Variants in MACROD2 observed in about 807,000 individuals in gnomAD.
MACROD2 encodes mono-ADP ribosylhydrolase 2, also known as ADP-ribose glycohydrolase MACROD2.
A neutral mutation model predicts 70.4 loss-of-function variants in MACROD2; 36 were observed. The observed-to-expected ratio is 0.51, with a 90% CI of 0.39 to 0.68. The LOEUF (loss-of-function observed/expected upper bound fraction) is 0.68. Among genes scored for constraint, MACROD2 ranks in the 30% least tolerant of loss-of-function variants. MACROD2 has a pLI of 0.00. For missense variants in MACROD2, 496 were observed against 538.4 expected, an observed-to-expected ratio of 0.92 and a Z score of 0.78; for synonymous variants, 172 against 178.8, an observed-to-expected ratio of 0.96 and a Z score of 0.30.
rs572230477 is a variant in MACROD2, at chr20:14,858,948, T to G, written c.418+173989T>G. ...CATGAAGTACTAATTTAAAGAAATA[T>G]TCAGGTAAAGCCTATGAGATTAAGT... is the stretch of plus-strand genomic sequence containing the variant. On this transcript the variant is annotated intron_variant, in intron 5 of 17. Transcript: ENST00000684519. Among the ~76,000 whole-genome samples the G allele has an allele frequency of 8.5e-5, 13 of 152,232 alleles. No homozygotes were observed. In the South Asian group the frequency reaches 2.5e-3, roughly 29 times the overall value.
intron 5 of MACROD2, among the ~76,000 whole-genome samples, chr20:14,861,991 A>ATTT (rs375462249): frequency 1.6e-5 from 1 of 61,646 alleles, no homozygotes; most frequent in Non-Finnish European, 2.8e-5. Flanking sequence ...ATATATATAT[A>ATTT]TTTATATATA....
At chr20:14,176,083 A>G (rs1461040591) in intron 3 of MACROD2, among the ~76,000 whole-genome samples, 3 of 152,210 alleles carry the variant, frequency 2.0e-5, no homozygotes, top group Non-Finnish European at 2.9e-5. Flanking sequence ...TTGTAAGTTT[A>G]CATTGATCTT....
At chr20:14,820,251 C>T (rs6135268) in intron 5 of MACROD2, among the ~76,000 whole-genome samples, 10,510 of 151,840 alleles carry the variant, frequency 0.069, 517 homozygotes, top group East Asian at 0.22. Flanking sequence ...TATCTGCCGG[C>T]CAAAGATCTG....
At chr20:14,292,026 C>A (rs1038249401) in intron 3 of MACROD2, among the ~76,000 whole-genome samples, 1 of 151,882 alleles carries the variant, frequency 6.6e-6, no homozygotes, top group African/African-American at 2.4e-5. Flanking sequence ...TCATCTGATT[C>A]CAATGGGAGC....
intron 8 of MACROD2, among the ~76,000 whole-genome samples, chr20:15,607,955 T>C (rs460953): frequency 0.052 from 7,975 of 152,296 alleles, 408 homozygotes; most frequent in African/African-American, 0.14. Context: ...AAGTGTCATC[T>C]GAGTTGGGAA....
At chr20:14,341,355 T>G (rs552984867) in intron 3 of MACROD2, among the ~76,000 whole-genome samples, 2 of 152,330 alleles carry the variant, frequency 1.3e-5, no homozygotes, top group African/African-American at 4.8e-5. Flanking sequence ...GAAAACAGTT[T>G]GGATGGGCGC....
At chr20:14,808,499 A>G (rs1243118888) in intron 5 of MACROD2, among the ~76,000 whole-genome samples, 2 of 152,214 alleles carry the variant, frequency 1.3e-5, no homozygotes, top group East Asian at 1.9e-4. Flanking sequence ...TGTAAAGACT[A>G]TTGACACTAT....
chr20:15,811,377 A>G, intron 8 of MACROD2, among the ~76,000 whole-genome samples: 1 of 152,034 alleles, frequency 6.6e-6, no homozygotes. Context: ...GCAAATCAAA[A>G]CCACAATGAG....
At chr20:15,477,909 G>C (rs1434734849) in intron 7 of MACROD2, among the ~76,000 whole-genome samples, 1 of 152,082 alleles carries the variant, frequency 6.6e-6, no homozygotes, top group Non-Finnish European at 1.5e-5. Context: ...GGGAGGGAAG[G>C]AGATGTGATA....
chr20:14,575,791 T>C (rs948232135), intron 4 of MACROD2, among the ~76,000 whole-genome samples: 2 of 152,172 alleles, frequency 1.3e-5, no homozygotes, highest in African/African-American at 2.4e-5. Flanking sequence ...AATGTAATTT[T>C]AAAAAGAAAA....
chr20:14,454,890 C>A (rs2084283900), intron 3 of MACROD2, among the ~76,000 whole-genome samples: 1 of 151,722 alleles, frequency 6.6e-6, no homozygotes, highest in Non-Finnish European at 1.5e-5. Context: ...GTAGCTGGGA[C>A]TACAGGTGCC....
At chr20:14,422,288 A>G (rs2083883824) in intron 3 of MACROD2, among the ~76,000 whole-genome samples, 1 of 152,104 alleles carries the variant, frequency 6.6e-6, no homozygotes, top group South Asian at 2.1e-4. Flanking sequence ...CCATCTTTCA[A>G]TGTATTTGTG....
intron 2 of MACROD2, among the ~76,000 whole-genome samples, chr20:14,077,975 T>C (rs912367030): frequency 6.6e-6 from 1 of 151,268 alleles, no homozygotes; most frequent in Non-Finnish European, 1.5e-5. Flanking sequence ...CGATCTCGGC[T>C]CACTGCAACC....
chr20:14,527,102 C>T (rs1377568666), intron 4 of MACROD2, among the ~76,000 whole-genome samples: 1 of 152,208 alleles, frequency 6.6e-6, no homozygotes, highest in Non-Finnish European at 1.5e-5. Context: ...ACTGGGCTCT[C>T]CTCCAACTGC....
intron 6 of MACROD2, among the ~76,000 whole-genome samples, chr20:15,241,945 A>AT (rs1025813984): frequency 1.3e-5 from 2 of 151,818 alleles, no homozygotes; most frequent in Non-Finnish European, 2.9e-5. Context: ...TTCAGGCTTT[A>AT]TTTTTTTTCC....
At chr20:15,078,333 C>G (rs1032306711) in intron 5 of MACROD2, among the ~76,000 whole-genome samples, 2 of 152,148 alleles carry the variant, frequency 1.3e-5, no homozygotes, top group African/African-American at 4.8e-5. Flanking sequence ...AGTACCCCTT[C>G]TCCTAAGAAC....
chr20:15,999,340 A>T (rs1258031641), intron 15 of MACROD2, among the ~76,000 whole-genome samples: 1 of 152,174 alleles, frequency 6.6e-6, no homozygotes, highest in Non-Finnish European at 1.5e-5. Context: ...GTTTGTGATG[A>T]GAAAAAATAC....
intron 5 of MACROD2, among the ~76,000 whole-genome samples, chr20:15,015,727 C>T (rs890787706): frequency 1.3e-5 from 2 of 152,314 alleles, no homozygotes; most frequent in East Asian, 3.9e-4. Flanking sequence ...GTTCACGAAA[C>T]AGGTCAGCCC....
At chr20:15,157,665 A>T (rs776871823) in intron 5 of MACROD2, among the ~76,000 whole-genome samples, 2 of 152,082 alleles carry the variant, frequency 1.3e-5, no homozygotes, top group African/African-American at 4.8e-5. Flanking sequence ...CCTAATCCAC[A>T]CTTCATCCCT....
Sources: gnomAD v4.1 joint callset for allele counts (sites outside exome capture counted in the v4.1 genomes callset) on GRCh38, gnomAD v4.1.1 for gene constraint, MANE v1.5 for transcripts, NCBI Gene and HGNC (gene_info 2026-07-23, HGNC 2026-07-21) for gene names.